Variants in CNTNAP2 observed in about 807,000 individuals in gnomAD.
The protein encoded by CNTNAP2 is contactin associated protein 2.
A neutral mutation model predicts 155.2 loss-of-function variants in CNTNAP2; 98 were observed. That is an observed-to-expected ratio of 0.63 (90% confidence interval 0.54 to 0.75). The LOEUF (loss-of-function observed/expected upper bound fraction) is 0.75. CNTNAP2 is among the 30% of genes least tolerant of loss of function. The pLI is 0.00. For missense variants in CNTNAP2, 1,727 were observed against 1,688.1 expected (o/e 1.02, Z -0.40); for synonymous variants, 651 against 631.2 (o/e 1.03, Z -0.47).
intron 10 of CNTNAP2, among the ~76,000 whole-genome samples, chr7:147,410,572 T>C (rs1231734983): frequency 6.6e-6 from 1 of 152,010 alleles, no homozygotes; most frequent in African/African-American, 2.4e-5. Context: ...CACAAAGAAA[T>C]GCAGGTAGTG....
intron 12 of CNTNAP2, among the ~76,000 whole-genome samples, chr7:147,625,324 C>G (rs924418045): frequency 4.6e-5 from 7 of 152,080 alleles, no homozygotes; most frequent in Non-Finnish European, 1.0e-4. Flanking sequence ...GTGATGTGAT[C>G]ATTACACATT....
At chr7:148,220,103 T>C (rs1795717165) in intron 19 of CNTNAP2, among the ~76,000 whole-genome samples, 1 of 152,204 alleles carries the variant, frequency 6.6e-6, no homozygotes, top group Non-Finnish European at 1.5e-5. Flanking sequence ...TTCATCATAA[T>C]GTTTCGTTTT....
At chr7:148,234,502 C>G (rs1488612929) in intron 20 of CNTNAP2, among the ~76,000 whole-genome samples, 9 of 152,210 alleles carry the variant, frequency 5.9e-5, no homozygotes, top group Non-Finnish European at 1.3e-4. Context: ...AATTAAGAGT[C>G]TGTTGTCCTC....
intron 21 of CNTNAP2, among the ~76,000 whole-genome samples, chr7:148,339,944 CGAG>C (rs1295512513): frequency 3.3e-5 from 5 of 149,702 alleles, no homozygotes; most frequent in African/African-American, 9.9e-5. Context: ...TAAAGGAAAA[CGAG>C]GAGAATCTGA....
chr7:148,261,351 G>C (rs1009943453), intron 20 of CNTNAP2, among the ~76,000 whole-genome samples: 1 of 152,070 alleles, frequency 6.6e-6, no homozygotes, highest in Non-Finnish European at 1.5e-5. Context: ...GTAGAGATGG[G>C]GTTTCACCAT....
At chr7:146,132,213 G>T (rs1797724716) in intron 1 of CNTNAP2, among the ~76,000 whole-genome samples, 1 of 152,044 alleles carries the variant, frequency 6.6e-6, no homozygotes, top group African/African-American at 2.4e-5. Flanking sequence ...CCAATAAGTG[G>T]TTATACACAG....
chr7:146,229,614 C>T (rs943841353), intron 1 of CNTNAP2, among the ~76,000 whole-genome samples: 5 of 152,016 alleles, frequency 3.3e-5, no homozygotes, highest in African/African-American at 1.2e-4. Flanking sequence ...TTTATATCAT[C>T]CCAACTATGG....
intron 1 of CNTNAP2, among the ~76,000 whole-genome samples, chr7:146,192,207 T>C (rs901584112): frequency 2.0e-5 from 3 of 152,188 alleles, no homozygotes; most frequent in African/African-American, 7.2e-5. Context: ...CCAATAACTT[T>C]ATTTAGTACG....
At chr7:148,069,614 G>A (rs1803341424) in intron 15 of CNTNAP2, among the ~76,000 whole-genome samples, 1 of 151,974 alleles carries the variant, frequency 6.6e-6, no homozygotes, top group South Asian at 2.1e-4. Context: ...CACAAAATTA[G>A]CCGGGCATGG....
At chr7:146,200,466 C>T in intron 1 of CNTNAP2, among the ~76,000 whole-genome samples, 1 of 151,648 alleles carries the variant, frequency 6.6e-6, no homozygotes, top group East Asian at 1.9e-4. Context: ...TGCACTCCAG[C>T]CTGGTGACAG....
At chr7:147,848,853 C>G (rs1211384332) in intron 13 of CNTNAP2, among the ~76,000 whole-genome samples, 3 of 151,906 alleles carry the variant, frequency 2.0e-5, no homozygotes. Context: ...AAGACCAAAC[C>G]TCTCAATGAA....
At chr7:147,120,427 G>T (rs981264922) in intron 5 of CNTNAP2, among the ~76,000 whole-genome samples, 3 of 151,958 alleles carry the variant, frequency 2.0e-5, no homozygotes, top group Admixed American at 6.6e-5. Flanking sequence ...AACCCAGAAG[G>T]CTTCTGTAAA....
At chr7:147,782,937 C>G (rs1328041732) in intron 13 of CNTNAP2, among the ~76,000 whole-genome samples, 2 of 152,072 alleles carry the variant, frequency 1.3e-5, no homozygotes, top group African/African-American at 4.8e-5. Context: ...TAAATCATAT[C>G]CATATTATAT....
chr7:148,217,592 T>C, intron 19 of CNTNAP2, 68 bp downstream of exon 19: 1 of 1,514,534 alleles, frequency 6.6e-7, no homozygotes, highest in Non-Finnish European at 9.2e-7. Context: ...AGCAAGAGTC[T>C]ATAGATTGTT....
intron 1 of CNTNAP2, among the ~76,000 whole-genome samples, chr7:146,310,575 C>T (rs1471801688): frequency 1.3e-5 from 2 of 151,572 alleles, no homozygotes; most frequent in East Asian, 1.9e-4. Context: ...TTTAATGCAT[C>T]CCCCTGTTGA....
At chr7:146,154,424 C>T (rs1036146600) in intron 1 of CNTNAP2, among the ~76,000 whole-genome samples, 22 of 152,184 alleles carry the variant, frequency 1.4e-4, no homozygotes, top group African/African-American at 5.3e-4. Flanking sequence ...ACAAATACTT[C>T]AGTAAAACTT....
Position 147,175,594 on chromosome 7 carries a change from A to C in CNTNAP2, c.1348+43085A>C, listed in dbSNP as rs527943408. Among the ~76,000 whole-genome samples the C allele has an allele frequency of 1.9e-3, 290 of 152,324 alleles. 1 individual carries two copies. Among genetic ancestry groups the C allele is most frequent in the Non-Finnish European group, 2.2e-3 (147 of 68,030 alleles). ...AGTGTTGAAGAAGGAAGAGGGACAC[A>C]GAGAAAGAAATAACTTCACACATCT... On this transcript the variant is annotated intron_variant, in intron 8 of 23. Transcript: ENST00000361727.
At chr7:147,736,781 G>A (rs954801331) in intron 13 of CNTNAP2, among the ~76,000 whole-genome samples, 4 of 152,022 alleles carry the variant, frequency 2.6e-5, no homozygotes, top group Admixed American at 6.6e-5. Flanking sequence ...TTGATCTTCA[G>A]TCACTGATAC....
At chr7:148,119,691 G>C (rs1481210167) in intron 16 of CNTNAP2, among the ~76,000 whole-genome samples, 2 of 152,122 alleles carry the variant, frequency 1.3e-5, no homozygotes, top group Non-Finnish European at 2.9e-5. Context: ...CACACCGTCA[G>C]GTAAATTGCT....
Sources: allele counts gnomAD v4.1 joint callset (sites outside exome capture counted in the v4.1 genomes callset), GRCh38; gene constraint gnomAD v4.1.1; transcripts MANE v1.5; gene names NCBI Gene and HGNC (gene_info 2026-07-23, HGNC 2026-07-21).